The following ENPP6 variants were observed in gnomAD, a reference collection of about 807,000 sequenced individuals.
The protein encoded by ENPP6 is ectonucleotide pyrophosphatase/phosphodiesterase 6, also known as glycerophosphocholine cholinephosphodiesterase ENPP6.
In ENPP6, 32 loss-of-function variants were observed where a neutral mutation model predicts 42.0. The observed-to-expected ratio is 0.76, with a 90% CI of 0.58 to 1.02. The LOEUF (loss-of-function observed/expected upper bound fraction) is 1.02. ENPP6 is among the 50% of genes least tolerant of loss of function. The probability of loss-of-function intolerance (pLI) is 0.00; values close to 1 mark genes in which losing one functional copy is unlikely to be tolerated. For missense variants in ENPP6, 552 were observed against 566.8 expected (o/e 0.97, Z 0.27); for synonymous variants, 213 against 216.0 (o/e 0.99, Z 0.12).
intron 1 of ENPP6, among the ~76,000 whole-genome samples, chr4:184,192,483 TTTTC>T (rs1732724471): frequency 2.0e-5 from 3 of 152,236 alleles, no homozygotes; most frequent in Admixed American, 2.0e-4. Flanking sequence ...GAGCTAGAAA[TTTTC>T]TTTGTCTTAT....
At chr4:184,173,320 A>G (rs6810545) in intron 1 of ENPP6, among the ~76,000 whole-genome samples, 21,415 of 152,208 alleles carry the variant, frequency 0.14, 1,859 homozygotes, top group African/African-American at 0.25. Flanking sequence ...GTTCAACACA[A>G]TATTGGAAAC....
chr4:184,092,278 A>G (rs2111324868), intron 7 of ENPP6, among the ~76,000 whole-genome samples: 2 of 152,160 alleles, frequency 1.3e-5, no homozygotes, highest in Non-Finnish European at 2.9e-5. Context: ...TTTCCTAAAT[A>G]CATTTGGAAG....
At chr4:184,150,772 C>T (rs892973045) in intron 2 of ENPP6, among the ~76,000 whole-genome samples, 2 of 152,338 alleles carry the variant, frequency 1.3e-5, no homozygotes, top group Middle Eastern at 3.4e-3. Context: ...GACTTCAGCA[C>T]AGCCAGATCT....
At chr4:184,171,426 C>T (rs1737459353) in intron 1 of ENPP6, among the ~76,000 whole-genome samples, 1 of 152,212 alleles carries the variant, frequency 6.6e-6, no homozygotes, top group Non-Finnish European at 1.5e-5. Context: ...TTGGTCAAAG[C>T]TGTCACAAAG....
chr4:184,107,485 T>C (rs539026868), intron 6 of ENPP6, among the ~76,000 whole-genome samples: 1 of 152,212 alleles, frequency 6.6e-6, no homozygotes, highest in Non-Finnish European at 1.5e-5. Context: ...TGCTTTGCTA[T>C]GGCAGGGTCA....
intron 1 of ENPP6, among the ~76,000 whole-genome samples, chr4:184,197,821 A>G (rs1732827676): frequency 6.6e-6 from 1 of 152,238 alleles, no homozygotes; most frequent in Non-Finnish European, 1.5e-5. Context: ...GAGGGATGTC[A>G]TGGTTTGGGA....
intron 1 of ENPP6, among the ~76,000 whole-genome samples, chr4:184,206,447 G>A (rs546715082): frequency 1.5e-5 from 2 of 137,094 alleles, no homozygotes; most frequent in East Asian, 2.4e-4. Flanking sequence ...TAGTAGAGAC[G>A]GGGTTTCACC....
At chr4:184,168,290 GAA>G (rs963746303) in intron 1 of ENPP6, among the ~76,000 whole-genome samples, 14 of 152,152 alleles carry the variant, frequency 9.2e-5, no homozygotes, top group African/African-American at 3.4e-4. Flanking sequence ...GTCTGGCGCG[GAA>G]AAGGCCAATC....
At chr4:184,180,826 A>G (rs866565435) in intron 1 of ENPP6, among the ~76,000 whole-genome samples, 21 of 152,196 alleles carry the variant, frequency 1.4e-4, no homozygotes, top group African/African-American at 5.1e-4. Context: ...CATGTTAAAA[A>G]CTCTCGATAA....
chr4:184,162,576 A>AAGGAAGGAAGGAAGGAAGG (rs1553998051), intron 1 of ENPP6, among the ~76,000 whole-genome samples: 1 of 145,320 alleles, frequency 6.9e-6, no homozygotes, highest in African/African-American at 2.6e-5. Context: ...AGGAAGGAAG[A>AAGGAAGGAAGGAAGGAAGG]AAGGAAGGAA....
intron 1 of ENPP6, among the ~76,000 whole-genome samples, chr4:184,164,448 C>T (rs1737317817): frequency 6.6e-6 from 1 of 152,170 alleles, no homozygotes; most frequent in Non-Finnish European, 1.5e-5. Flanking sequence ...GCCCTAATCC[C>T]ACATTTCTGG....
intron 5 of ENPP6, among the ~76,000 whole-genome samples, chr4:184,115,375 C>T (rs1315600450): frequency 1.3e-5 from 2 of 152,198 alleles, no homozygotes; most frequent in African/African-American, 2.4e-5. Flanking sequence ...AAGCAGCCAG[C>T]AGAAGGTGCC....
intron 1 of ENPP6, among the ~76,000 whole-genome samples, chr4:184,166,817 C>T (rs72699711): frequency 0.13 from 19,212 of 152,278 alleles, 1,602 homozygotes; most frequent in Non-Finnish European, 0.18. Context: ...TCTTCTGGCT[C>T]GTGATAAAGC....
chr4:184,111,620 G>T (rs1231140042), intron 6 of ENPP6, among the ~76,000 whole-genome samples: 1 of 152,238 alleles, frequency 6.6e-6, no homozygotes, highest in Non-Finnish European at 1.5e-5. Context: ...GAAGGACCTC[G>T]CTGGTCTCTG....
At chr4:184,109,338 C>T (rs185279545) in intron 6 of ENPP6, among the ~76,000 whole-genome samples, 47 of 152,240 alleles carry the variant, frequency 3.1e-4, no homozygotes, top group African/African-American at 1.1e-3. Context: ...TTCAAGAGAG[C>T]TATTATTATG....
In ENPP6 at chr4:184,091,243, G is replaced by C; in HGVS notation, c.1257C>G (p.Ser419Arg). The C allele has an allele frequency of 6.3e-7, 1 of 1,597,046 alleles. No individual in the cohort carries two copies. The highest frequency in any genetic ancestry group is 8.5e-7 in the Non-Finnish European group (1 of 1,171,582). The change falls in exon 8 of 8, where the codon AGC (serine) becomes AGG (arginine). Residue 419 changes from serine (S) to arginine (R), a missense_variant. By Grantham distance (110) the Ser-to-Arg change is moderately radical. Coordinates refer to ENST00000296741, the MANE Select transcript of ENPP6 (RefSeq NM_153343.4). Reference sequence around the variant, plus strand: ...GGCTGGGCCAGACAGGCGGGGCAGTGCTGGCGCGGCCCTTCAGCATGCACA... The same window carrying C: ...GGCTGGGCCAGACAGGCGGGGCAGTCCTGGCGCGGCCCTTCAGCATGCACA... ...RVMCMLKGRA[S>R]TAPPVWPSHC...
In ENPP6 at chr4:184,131,259, T is replaced by TTCCTTCCTTC. The variant is rs1553996065; in HGVS notation, c.422-6988_422-6987insGAAGGAAGGA. ...CCTTTTCTTTCTTTCTTTCTCTTTC[T>TTCCTTCCTTC]CTTCCTTCCTTCCTTCCTTCCTTCC... On this transcript the variant is annotated intron_variant, in intron 2 of 7. Transcript: ENST00000296741. 4.3e-3 allele frequency among the ~76,000 whole-genome samples: 317 copies of TTCCTTCCTTC among 73,328 alleles called. 22 individuals are homozygous for TTCCTTCCTTC. The highest frequency in any genetic ancestry group is 0.017 in the South Asian group (35 of 2,076). 48.1% of individuals were successfully genotyped at this position (73,328 alleles called of 152,430 possible).
At position 184,163,440 on chromosome 4, in the gene ENPP6, A is replaced by G. The variant is rs1282128167; in HGVS notation, c.242-9707T>C. On this transcript the variant is annotated intron_variant, in intron 1 of 7. Transcript: ENST00000296741. ...GAACCTGGACCTCCCGGCTTCTCATATCACACTCTTCACACTTCACTTTCC... is the reference window on the plus strand; with the variant it reads ...GAACCTGGACCTCCCGGCTTCTCATGTCACACTCTTCACACTTCACTTTCC... 4.6e-5 allele frequency among the ~76,000 whole-genome samples: 7 copies of G among 152,182 alleles called. No individual in the cohort carries two copies. In the East Asian group the frequency reaches 1.3e-3, roughly 29 times the overall value.
At chr4:184,152,296 C>T (rs1737065001) in intron 2 of ENPP6, among the ~76,000 whole-genome samples, 1 of 152,176 alleles carries the variant, frequency 6.6e-6, no homozygotes, top group Non-Finnish European at 1.5e-5. Flanking sequence ...CACACACCCA[C>T]CTCTATCCAG....
Sources: gnomAD v4.1 joint callset for allele counts (sites outside exome capture counted in the v4.1 genomes callset) on GRCh38, gnomAD v4.1.1 for gene constraint, MANE v1.5 for transcripts, NCBI Gene and HGNC (gene_info 2026-07-23, HGNC 2026-07-21) for gene names.